PPP2R2C: variants seen among roughly 807,000 people sequenced by gnomAD.
The protein encoded by PPP2R2C is protein phosphatase 2, regulatory subunit B, gamma.
A neutral mutation model predicts 45.3 loss-of-function variants in PPP2R2C; 10 were observed. That is an observed-to-expected ratio of 0.22 (90% CI 0.14 to 0.37). The LOEUF is 0.37. Ranked by LOEUF, PPP2R2C falls within the 10% of genes least tolerant of loss-of-function variation. PPP2R2C has a pLI of 1.00. For missense variants in PPP2R2C, 308 were observed against 619.7 expected, an observed-to-expected ratio of 0.50 and a Z score of 5.34; for synonymous variants, 257 against 245.4, an observed-to-expected ratio of 1.05 and a Z score of -0.44.
chr4:6,441,460 G>A (rs1259484116), intron 1 of PPP2R2C, among the ~76,000 whole-genome samples: 2 of 152,082 alleles, frequency 1.3e-5, no homozygotes, highest in Non-Finnish European at 2.9e-5. Context: ...TTCCCAGCCT[G>A]CAAGTCACAG....
chr4:6,485,107 C>G (rs923056199), intron 2 of PPP2R2C, among the ~76,000 whole-genome samples: 9 of 151,776 alleles, frequency 5.9e-5, no homozygotes, highest in Non-Finnish European at 1.2e-4. Flanking sequence ...CAGATTTTAT[C>G]AATTTTATCA....
chr4:6,525,956 C>A (rs1454672044), intron 2 of PPP2R2C, among the ~76,000 whole-genome samples: 1 of 152,216 alleles, frequency 6.6e-6, no homozygotes, highest in Non-Finnish European at 1.5e-5. Context: ...CCCGCCTCAG[C>A]CTCCCAAAGT....
chr4:6,450,261 G>A (rs1346635110), intron 1 of PPP2R2C, among the ~76,000 whole-genome samples: 1 of 152,122 alleles, frequency 6.6e-6, no homozygotes, highest in African/African-American at 2.4e-5. Flanking sequence ...GGTGGTGGTC[G>A]AGATACAGGC....
chr4:6,450,561 G>C (rs991701908), intron 1 of PPP2R2C, among the ~76,000 whole-genome samples: 9 of 152,154 alleles, frequency 5.9e-5, no homozygotes, highest in African/African-American at 1.9e-4. Flanking sequence ...AATAATGAAG[G>C]ACGGTGATAG....
intron 1 of PPP2R2C, among the ~76,000 whole-genome samples, chr4:6,432,439 C>G (rs1381539261): frequency 1.3e-5 from 2 of 152,198 alleles, no homozygotes; most frequent in Non-Finnish European, 2.9e-5. Flanking sequence ...CGGGACCCAG[C>G]GCCTGCTGCC....
At chr4:6,370,391 C>T (rs1208725127) in intron 5 of PPP2R2C, among the ~76,000 whole-genome samples, 2 of 152,210 alleles carry the variant, frequency 1.3e-5, no homozygotes, top group Non-Finnish European at 2.9e-5. Context: ...GCCCCACACC[C>T]TCCCCATTTG....
chr4:6,481,374 T>C (rs1036970590), intron 2 of PPP2R2C, among the ~76,000 whole-genome samples: 2 of 152,218 alleles, frequency 1.3e-5, no homozygotes, highest in Admixed American at 6.5e-5. Context: ...ACTTTTTCCA[T>C]ATGAAGAAAA....
chr4:6,468,113 G>A (rs1721679565), intron 1 of PPP2R2C, among the ~76,000 whole-genome samples: 1 of 152,208 alleles, frequency 6.6e-6, no homozygotes, highest in Non-Finnish European at 1.5e-5. Context: ...CTGTTGTGGA[G>A]ATCAGCTGCA....
At chr4:6,457,989 G>A (rs757261085) in intron 1 of PPP2R2C, among the ~76,000 whole-genome samples, 3 of 152,086 alleles carry the variant, frequency 2.0e-5, no homozygotes, top group African/African-American at 7.2e-5. Flanking sequence ...CATGCTTTGG[G>A]GCACAACTCC....
At chr4:6,350,940 C>T (rs2109233811) in intron 5 of PPP2R2C, 2 of 985,346 alleles carry the variant, frequency 2.0e-6, no homozygotes, top group Non-Finnish European at 2.4e-6. Flanking sequence ...AAAACGTGAG[C>T]CCCCTGACAG....
intron 5 of PPP2R2C, chr4:6,350,341 ATCCAGAG>A (rs1208286701): frequency 2.0e-6 from 2 of 985,336 alleles, no homozygotes; most frequent in African/African-American, 3.5e-5. Context: ...CTAAAGTGGG[ATCCAGAG>A]AAAAAGTGCG....
In PPP2R2C at chr4:6,502,483, C is replaced by T. The variant is rs140040618; in HGVS notation, c.49+32788G>A. On this transcript the variant is annotated intron_variant, in intron 2 of 9. Coordinates refer to the PPP2R2C transcript ENST00000506140. ...CCTCCTTCCCTTCTTCCTGCCCTCC[C>T]TCTGTCCCTCCCTTTTTCCCTCTCT... 3.6e-3 allele frequency among the ~76,000 whole-genome samples: 542 copies of T among 152,004 alleles called. 8 individuals are homozygous for T. Among genetic ancestry groups the T allele is most frequent in the African/African-American group, 0.012 (508 of 41,446 alleles).
At chr4:6,473,005 C>A (rs531814651), upstream of PPP2R2C, among the ~76,000 whole-genome samples, 8 of 151,700 alleles carry the variant, frequency 5.3e-5, no homozygotes, top group South Asian at 1.7e-3. Context: ...AATGGGGACT[C>A]GGGGGAGGGG....
At chr4:6,463,087 T>A (rs1721413075) in intron 1 of PPP2R2C, among the ~76,000 whole-genome samples, 1 of 152,234 alleles carries the variant, frequency 6.6e-6, no homozygotes, top group Non-Finnish European at 1.5e-5. Context: ...AAAACTTTTT[T>A]GAAATTGTAA....
rs1289255132 is a variant in PPP2R2C at position 6,472,208 on chromosome 4, G to A, written c.22C>T (p.Arg8Trp). The A allele has an allele frequency of 3.1e-6, 5 of 1,613,268 alleles. No homozygotes were observed. The highest frequency in any genetic ancestry group is 4.2e-6 in the Non-Finnish European group (5 of 1,179,416). Residue 8 changes from arginine (R) to tryptophan (W), a missense_variant, in exon 1 of 9, where the codon CGG becomes TGG. Transcript: ENST00000382599. Reference protein sequence around the residue: MGEDTDTRKINHSFLRDH... With the variant: MGEDTDTWKINHSFLRDH... ...CGCAGGAAGCTGTGGTTAATTTTCC[G>A]CGTGTCCGTGTCCTCGCCCATTGAA... is the stretch of plus-strand genomic sequence containing the variant.
At chr4:6,400,256 T>C (rs1373533343) in intron 1 of PPP2R2C, among the ~76,000 whole-genome samples, 1 of 152,164 alleles carries the variant, frequency 6.6e-6, no homozygotes, top group African/African-American at 2.4e-5. Flanking sequence ...GGAGCTGATG[T>C]GAGAATCCAA....
rs193045719 is a variant in PPP2R2C, at chr4:6,510,636, C to T, written c.49+24635G>A. Among the ~76,000 whole-genome samples the T allele has an allele frequency of 1.2e-3, 190 of 152,272 alleles. 1 individual carries two copies. Among genetic ancestry groups the T allele is most frequent in the Middle Eastern group, 0.01 (3 of 294 alleles). The stretch of plus-strand genomic sequence containing the variant: ...CCAGAATGTCTTCTCAGCCCAACAA[C>T]GCCCAGCCCCTGGAAATGTGCCTGA... On this transcript the variant is annotated intron_variant, in intron 2 of 9. Coordinates refer to the PPP2R2C transcript ENST00000506140.
At chr4:6,494,310 T>C (rs956607005) in intron 2 of PPP2R2C, among the ~76,000 whole-genome samples, 3 of 152,196 alleles carry the variant, frequency 2.0e-5, no homozygotes, top group Admixed American at 1.3e-4. Flanking sequence ...GCTGGGTGGG[T>C]TAATATGGGT....
intron 1 of PPP2R2C, among the ~76,000 whole-genome samples, chr4:6,387,296 T>C (rs1716278670): frequency 6.6e-6 from 1 of 152,130 alleles, no homozygotes; most frequent in African/African-American, 2.4e-5. Flanking sequence ...TATACCCAGG[T>C]ACATCCTGGT....
Sources: allele counts gnomAD v4.1 joint callset (sites outside exome capture counted in the v4.1 genomes callset), GRCh38; gene constraint gnomAD v4.1.1; transcripts MANE v1.5; gene names NCBI Gene and HGNC (gene_info 2026-07-23, HGNC 2026-07-21).